The following ANO10 variants were observed in gnomAD, a reference collection of about 807,000 sequenced individuals.
The protein encoded by ANO10 is anoctamin-10.
In ANO10, 77 loss-of-function variants were observed where a neutral mutation model predicts 74.7. The ratio of observed to expected loss-of-function variants is 1.03; its 90% CI spans 0.86 to 1.25. The LOEUF is 1.25. Among genes scored for constraint, ANO10 ranks in the 50% most tolerant of loss-of-function variants. The pLI, the probability that ANO10 is intolerant of heterozygous loss-of-function variation, is 0.00. For missense variants in ANO10, 721 were observed against 778.1 expected (o/e 0.93, Z 0.87); for synonymous variants, 279 against 284.9 (o/e 0.98, Z 0.21).
At chr3:43,559,642 G>T (rs1166010520) in intron 9 of ANO10, among the ~76,000 whole-genome samples, 5 of 151,884 alleles carry the variant, frequency 3.3e-5, no homozygotes, top group Non-Finnish European at 5.9e-5. Flanking sequence ...AGATGAGGGG[G>T]GATGGAATGA....
chr3:43,677,808 TAGGAG>T (rs1427714195), intron 1 of ANO10, among the ~76,000 whole-genome samples: 7 of 152,172 alleles, frequency 4.6e-5, no homozygotes, highest in African/African-American at 1.4e-4. Flanking sequence ...GTATTTGACT[TAGGAG>T]AGGGAATAGA....
chr3:43,473,480 G>GCT (rs1252843647), intron 11 of ANO10, among the ~76,000 whole-genome samples: 1 of 152,156 alleles, frequency 6.6e-6, no homozygotes, highest in East Asian at 1.9e-4. Flanking sequence ...CCACCCCTGT[G>GCT]CTCTCAGTGC....
intron 4 of ANO10, among the ~76,000 whole-genome samples, chr3:43,598,293 A>G (rs548834608): frequency 6.6e-6 from 1 of 152,356 alleles, no homozygotes; most frequent in South Asian, 2.1e-4. Context: ...ATATGTATAC[A>G]CACTGGATTT....
chr3:43,620,298 A>G (rs913615218), intron 1 of ANO10, among the ~76,000 whole-genome samples: 1 of 152,226 alleles, frequency 6.6e-6, no homozygotes, highest in Admixed American at 6.5e-5. Context: ...AAGAAAAAGC[A>G]AAAGTATGAA....
intron 1 of ANO10, among the ~76,000 whole-genome samples, chr3:43,685,391 T>G (rs1472584312): frequency 6.6e-6 from 1 of 152,246 alleles, no homozygotes; most frequent in Non-Finnish European, 1.5e-5. Flanking sequence ...TCATTTTTCT[T>G]AATTGCTGCC....
At chr3:43,491,276 G>A (rs1452369855) in intron 11 of ANO10, among the ~76,000 whole-genome samples, 1 of 152,178 alleles carries the variant, frequency 6.6e-6, no homozygotes, top group Non-Finnish European at 1.5e-5. Context: ...CACTTTGGGA[G>A]GCTGAGGCAG....
intron 3 of ANO10, among the ~76,000 whole-genome samples, chr3:43,599,116 C>G (rs779876965): frequency 1.1e-4 from 16 of 152,220 alleles, no homozygotes; most frequent in Non-Finnish European, 2.1e-4. Context: ...ATCCCTTCTA[C>G]TAATGAGAGA....
intron 11 of ANO10, among the ~76,000 whole-genome samples, chr3:43,492,634 A>C: frequency 6.6e-6 from 1 of 152,248 alleles, no homozygotes; most frequent in Non-Finnish European, 1.5e-5. Context: ...AAGGATATGA[A>C]CAGACACTTC....
At chr3:43,497,225 T>C (rs2076948185) in intron 11 of ANO10, among the ~76,000 whole-genome samples, 1 of 152,204 alleles carries the variant, frequency 6.6e-6, no homozygotes, top group Admixed American at 6.5e-5. Flanking sequence ...CATGCAAACT[T>C]ACCTAGCATA....
intron 9 of ANO10, among the ~76,000 whole-genome samples, chr3:43,555,973 T>A (rs1288189117): frequency 6.6e-6 from 1 of 152,184 alleles, no homozygotes; most frequent in Admixed American, 6.5e-5. Flanking sequence ...TTTTCGAGGT[T>A]CACCAGAAAG....
intron 11 of ANO10, among the ~76,000 whole-genome samples, chr3:43,491,950 G>T (rs1575252426): frequency 6.6e-6 from 1 of 151,994 alleles, no homozygotes; most frequent in Non-Finnish European, 1.5e-5. Context: ...GAACAGCTCC[G>T]GTCTACAGCT....
intron 4 of ANO10, among the ~76,000 whole-genome samples, chr3:43,591,220 C>T (rs1050515333): frequency 6.6e-6 from 1 of 152,182 alleles, no homozygotes; most frequent in Admixed American, 6.5e-5. Flanking sequence ...CAGTTGCAGA[C>T]CCACCATTGA....
At chr3:43,571,541 T>C (rs1182580530) in intron 7 of ANO10, among the ~76,000 whole-genome samples, 1 of 152,102 alleles carries the variant, frequency 6.6e-6, no homozygotes, top group East Asian at 1.9e-4. Context: ...TGTAGGGACA[T>C]GGATGAAACT....
chr3:43,560,455 G>C (rs765492917), intron 9 of ANO10, among the ~76,000 whole-genome samples: 4 of 152,142 alleles, frequency 2.6e-5, no homozygotes, highest in Non-Finnish European at 5.9e-5. Context: ...ACTCATTCAA[G>C]ATGAAAAACA....
intron 1 of ANO10, among the ~76,000 whole-genome samples, chr3:43,613,949 G>A (rs995576502): frequency 1.3e-5 from 2 of 152,092 alleles, no homozygotes; most frequent in Non-Finnish European, 2.9e-5. Context: ...CCTCAGGAGA[G>A]GGCACTGTCT....
In ANO10 at chr3:43,366,927, G is replaced by A. The variant is rs756170502; in HGVS notation, c.1962C>T (p.Ser654=). ...TENLKEEPME[S]GKEKAT ...GCACTCAGGTTGCCTTCTCCTTCCC[G>A]CTTTCCATTGGTTCCTCCTTCAGGT... is the stretch of plus-strand genomic sequence containing the variant. Residue 654 remains serine, a synonymous_variant, in exon 13 of 13, where the codon AGC becomes AGT. Transcript: ENST00000292246. 9 of 1,597,734 alleles carry A rather than the reference G, an allele frequency of 5.6e-6. No homozygotes were observed. In the East Asian group the frequency reaches 6.7e-5, roughly 12 times the overall value.
At chr3:43,462,208 G>A (rs2075409264) in intron 11 of ANO10, among the ~76,000 whole-genome samples, 1 of 152,148 alleles carries the variant, frequency 6.6e-6, no homozygotes, top group Non-Finnish European at 1.5e-5. Flanking sequence ...TGACTTGGGT[G>A]CTGTTGAAAG....
intron 10 of ANO10, among the ~76,000 whole-genome samples, chr3:43,552,712 ATATATATATATATATATG>A (rs1332896534): frequency 2.0e-4 from 26 of 132,302 alleles, no homozygotes; most frequent in Non-Finnish European, 3.1e-4. Context: ...ATATATATAT[ATATATATATATATATATG>A]TATGTATGTA....
At chr3:43,464,049 G>T (rs1032506278) in intron 11 of ANO10, among the ~76,000 whole-genome samples, 8 of 151,998 alleles carry the variant, frequency 5.3e-5, no homozygotes, top group African/African-American at 1.9e-4. Flanking sequence ...GCTCTTCCTC[G>T]CCTTCCGCCA....
Sources: gnomAD v4.1 joint callset for allele counts (sites outside exome capture counted in the v4.1 genomes callset) on GRCh38, gnomAD v4.1.1 for gene constraint, MANE v1.5 for transcripts, NCBI Gene and HGNC (gene_info 2026-07-23, HGNC 2026-07-21) for gene names.